The following NEDD4L variants were observed in gnomAD, a reference collection of about 807,000 sequenced individuals.
The protein encoded by NEDD4L is E3 ubiquitin-protein ligase NEDD4-like.
Under a neutral mutation model 148.9 loss-of-function variants are expected in NEDD4L, and 54 were observed. The observed-to-expected ratio is 0.36, with a 90% confidence interval of 0.29 to 0.45. NEDD4L has a LOEUF of 0.45. NEDD4L is among the 20% of genes least tolerant of loss of function. The pLI, the probability that NEDD4L is intolerant of heterozygous loss-of-function variation, is 1.00. For synonymous variants in NEDD4L, 433 were observed against 440.7 expected (o/e 0.98, Z 0.22); for missense variants, 856 against 1,233.8 (o/e 0.69, Z 4.59).
At chr18:58,252,130 CTG>C (rs2048011841) in intron 5 of NEDD4L, 76 bp downstream of exon 5, 1 of 951,552 alleles carries the variant, frequency 1.1e-6, no homozygotes, top group African/African-American at 1.6e-5. Flanking sequence ...CTTTAAAACT[CTG>C]TGTTTATGTT....
At chr18:58,130,975 T>C (rs994420065) in intron 1 of NEDD4L, among the ~76,000 whole-genome samples, 3 of 132,576 alleles carry the variant, frequency 2.3e-5, no homozygotes, top group Non-Finnish European at 4.7e-5. Flanking sequence ...TGTGGTGGTG[T>C]TGGGCTCTGT....
At chr18:58,302,080 G>A (rs774764924) in intron 5 of NEDD4L, among the ~76,000 whole-genome samples, 9 of 152,128 alleles carry the variant, frequency 5.9e-5, no homozygotes, top group Non-Finnish European at 1.0e-4. Flanking sequence ...TGTAGATTTC[G>A]GAATCTTTTG....
At chr18:58,257,689 C>T (rs2048791799) in intron 5 of NEDD4L, among the ~76,000 whole-genome samples, 1 of 152,168 alleles carries the variant, frequency 6.6e-6, no homozygotes, top group Admixed American at 6.5e-5. Context: ...TACAGAGAGA[C>T]AGCTGCACGC....
chr18:58,358,934 T>C (rs1267039791), intron 19 of NEDD4L, among the ~76,000 whole-genome samples: 1 of 152,220 alleles, frequency 6.6e-6, no homozygotes, highest in Non-Finnish European at 1.5e-5. Context: ...GTCTAGAGAA[T>C]ATTTATTATT....
chr18:58,136,204 TA>T (rs1162059273), intron 1 of NEDD4L, among the ~76,000 whole-genome samples: 1 of 152,164 alleles, frequency 6.6e-6, no homozygotes, highest in African/African-American at 2.4e-5. Context: ...TTCCTTCACT[TA>T]ATCAGTTGGC....
At chr18:58,392,867 C>G (rs112594755) in intron 30 of NEDD4L, among the ~76,000 whole-genome samples, 1 of 152,112 alleles carries the variant, frequency 6.6e-6, no homozygotes, top group Non-Finnish European at 1.5e-5. Flanking sequence ...TTAGGAAAAG[C>G]GAAATTATTG....
At chr18:58,342,023 C>T (rs1157378110) in intron 15 of NEDD4L, among the ~76,000 whole-genome samples, 1 of 152,212 alleles carries the variant, frequency 6.6e-6, no homozygotes, top group East Asian at 1.9e-4. Context: ...TGGCTAAGGC[C>T]GTGGTGACTT....
chr18:58,307,283 G>A (rs1411405583), intron 5 of NEDD4L, among the ~76,000 whole-genome samples: 1 of 145,082 alleles, frequency 6.9e-6, no homozygotes, highest in African/African-American at 2.9e-5. Flanking sequence ...TTCAGTCTGC[G>A]AGGCAGGAAG....
At chr18:58,293,499 A>G (rs556070239) in intron 5 of NEDD4L, among the ~76,000 whole-genome samples, 6 of 152,358 alleles carry the variant, frequency 3.9e-5, no homozygotes, top group Admixed American at 2.6e-4. Flanking sequence ...AGCAATTTTA[A>G]TAACCCAGGT....
chr18:58,343,427 A>G (rs2042677195), intron 16 of NEDD4L, among the ~76,000 whole-genome samples: 1 of 152,226 alleles, frequency 6.6e-6, no homozygotes, highest in Non-Finnish European at 1.5e-5. Context: ...CTCACAAAGT[A>G]ATCTCACTAG....
intron 1 of NEDD4L, among the ~76,000 whole-genome samples, chr18:58,094,167 C>CAA (rs2084238354): frequency 1.3e-5 from 2 of 150,138 alleles, no homozygotes; most frequent in African/African-American, 4.9e-5. Context: ...CTCCTGCACC[C>CAA]CCTTTTTTTT....
chr18:58,385,692 G>T, intron 26 of NEDD4L, 106 bp downstream of exon 26: 1 of 899,418 alleles, frequency 1.1e-6, no homozygotes. Flanking sequence ...CAGAGACAGA[G>T]GCGAGGCTGG....
intron 5 of NEDD4L, among the ~76,000 whole-genome samples, chr18:58,285,876 AAAC>A (rs2053833994): frequency 6.6e-6 from 1 of 152,272 alleles, no homozygotes; most frequent in South Asian, 2.1e-4. Flanking sequence ...AATCTTATTT[AAAC>A]AACATGTTCA....
At chr18:58,212,576 T>G (rs1396004103) in intron 2 of NEDD4L, among the ~76,000 whole-genome samples, 2 of 152,178 alleles carry the variant, frequency 1.3e-5, no homozygotes, top group African/African-American at 4.8e-5. Flanking sequence ...ACGTGGGGAT[T>G]ATTACAGTTC....
intron 5 of NEDD4L, among the ~76,000 whole-genome samples, chr18:58,306,173 A>T (rs919633390): frequency 6.6e-6 from 1 of 152,128 alleles, no homozygotes; most frequent in Non-Finnish European, 1.5e-5. Flanking sequence ...AAGGATCTAG[A>T]AAATGATTTC....
chr18:58,196,624 A>C (rs1332499665), intron 2 of NEDD4L, among the ~76,000 whole-genome samples: 1 of 152,146 alleles, frequency 6.6e-6, no homozygotes, highest in Admixed American at 6.5e-5. Flanking sequence ...GCCATTAAAA[A>C]AGATGTAGAA....
chr18:58,233,402 C>T (rs943268766), intron 2 of NEDD4L, among the ~76,000 whole-genome samples: 6 of 152,102 alleles, frequency 3.9e-5, no homozygotes, highest in Non-Finnish European at 7.4e-5. Flanking sequence ...TCTTACATGG[C>T]GGCAGACAAG....
chr18:58,364,911 C>T (rs973036948), intron 20 of NEDD4L, among the ~76,000 whole-genome samples: 1 of 152,200 alleles, frequency 6.6e-6, no homozygotes, highest in East Asian at 1.9e-4. Context: ...TCTAATGACA[C>T]ACCATCCCCA....
rs1298321786 is a variant in NEDD4L, at chr18:58,057,629, G to A, written c.48+12921G>A. Among the ~76,000 whole-genome samples, 4 of 152,156 alleles carry A rather than the reference G, an allele frequency of 2.6e-5. No homozygotes were observed. In the South Asian group the frequency reaches 8.3e-4, roughly 32 times the overall value. ...GTTGAATAGCCACAGGCTTGTTCCA[G>A]CCTTACTGAGAATGTCTTTGGCAAA... is the stretch of plus-strand genomic sequence containing the variant. On this transcript the variant is annotated intron_variant, in intron 1 of 30. Coordinates refer to ENST00000400345, the MANE Select transcript of NEDD4L (RefSeq NM_001144967.3).
Sources: gnomAD v4.1 joint callset for allele counts (sites outside exome capture counted in the v4.1 genomes callset) on GRCh38, gnomAD v4.1.1 for gene constraint, MANE v1.5 for transcripts, NCBI Gene and HGNC (gene_info 2026-07-23, HGNC 2026-07-21) for gene names.